The following NXPE2 variants were observed in gnomAD, a reference collection of about 807,000 sequenced individuals.
NXPE2 encodes the protein NXPE family member 2.
Under a neutral mutation model 34.4 loss-of-function variants are expected in NXPE2, and 34 were observed. That is an observed-to-expected ratio of 0.99 (90% CI 0.75 to 1.31). The LOEUF (loss-of-function observed/expected upper bound fraction) is 1.31, where lower values mean the gene tolerates loss of function less well. Ranked by LOEUF, NXPE2 falls within the 40% of genes most tolerant of loss-of-function variation. NXPE2 has a pLI of 0.00. For synonymous variants in NXPE2, 235 were observed against 231.3 expected (o/e 1.02, Z -0.15); for missense variants, 649 against 672.5 (o/e 0.97, Z 0.39).
the NXPE2 span, among the ~76,000 whole-genome samples, chr11:114,755,861 TGAA>T: frequency 2.0e-5 from 3 of 152,164 alleles, no homozygotes; most frequent in African/African-American, 7.2e-5. Flanking sequence ...TTAGTTGAAA[TGAA>T]GAATACTACC....
chr11:114,751,128 G>C, the NXPE2 span, among the ~76,000 whole-genome samples: 1 of 152,270 alleles, frequency 6.6e-6, no homozygotes, highest in South Asian at 2.1e-4. Flanking sequence ...GAAGAAGCAT[G>C]CATGGGCTTT....
intron 2 of NXPE2, among the ~76,000 whole-genome samples, chr11:114,686,257 T>A (rs1034029145): frequency 6.6e-6 from 1 of 152,100 alleles, no homozygotes; most frequent in Non-Finnish European, 1.5e-5. Context: ...AGTTTTTCAA[T>A]CCTTGCCATC....
chr11:114,673,809 T>C (rs191359858), upstream of NXPE2, among the ~76,000 whole-genome samples: 65 of 151,908 alleles, frequency 4.3e-4, 3 homozygotes, highest in East Asian at 9.5e-3. Context: ...CCCACAAAGA[T>C]AGGAAGCCAC....
At chr11:114,495,060 C>T in the NXPE2 span, among the ~76,000 whole-genome samples, 5 of 152,148 alleles carry the variant, frequency 3.3e-5, no homozygotes, top group Non-Finnish European at 5.9e-5. Context: ...TTCACCCAAG[C>T]GAACAAAAGT....
chr11:114,633,196 G>A, the NXPE2 span, among the ~76,000 whole-genome samples: 4 of 125,020 alleles, frequency 3.2e-5, no homozygotes, highest in African/African-American at 9.4e-5. Context: ...ATTTTATTAT[G>A]TATAAACATG....
chr11:114,714,913 T>C, the NXPE2 span, among the ~76,000 whole-genome samples: 1 of 152,070 alleles, frequency 6.6e-6, no homozygotes, highest in African/African-American at 2.4e-5. Flanking sequence ...TCCCAGCTAC[T>C]TGGGAGCCTG....
At chr11:114,559,471 G>A in the NXPE2 span, among the ~76,000 whole-genome samples, 1 of 152,166 alleles carries the variant, frequency 6.6e-6, no homozygotes, top group Admixed American at 6.5e-5. Flanking sequence ...ATGTTAGGTT[G>A]AGTGACTGTA....
the NXPE2 span, among the ~76,000 whole-genome samples, chr11:114,502,290 T>C: frequency 6.6e-6 from 1 of 152,202 alleles, no homozygotes; most frequent in Non-Finnish European, 1.5e-5. Context: ...AGAAAATTCT[T>C]AATTATCTTT....
chr11:114,628,225 CA>C, the NXPE2 span, among the ~76,000 whole-genome samples: 1 of 143,356 alleles, frequency 7.0e-6, no homozygotes, highest in African/African-American at 2.7e-5. Flanking sequence ...ACATTTTTTT[CA>C]GCAACATACC....
chr11:114,711,265 A>C (rs914243369), downstream of NXPE2, among the ~76,000 whole-genome samples: 1 of 152,132 alleles, frequency 6.6e-6, no homozygotes, highest in African/African-American at 2.4e-5. Context: ...CAAAACAAAA[A>C]AATTTTGTTA....
chr11:114,713,706 G>T, the NXPE2 span, among the ~76,000 whole-genome samples: 46,875 of 152,012 alleles, frequency 0.31, 8,278 homozygotes, highest in South Asian at 0.38. Flanking sequence ...TATTTTCTTC[G>T]ATACTGAATC....
chr11:114,608,142 G>A, the NXPE2 span, among the ~76,000 whole-genome samples: 1 of 151,610 alleles, frequency 6.6e-6, no homozygotes, highest in Non-Finnish European at 1.5e-5. Flanking sequence ...ATTGCCTCAT[G>A]GGTAACCAGA....
chr11:114,491,283 C>A, the NXPE2 span, among the ~76,000 whole-genome samples: 1 of 151,768 alleles, frequency 6.6e-6, no homozygotes, highest in Non-Finnish European at 1.5e-5. Flanking sequence ...GGGCTAATAT[C>A]CAGAATCTAC....
the NXPE2 span, among the ~76,000 whole-genome samples, chr11:114,764,230 T>C: frequency 6.6e-6 from 1 of 152,178 alleles, no homozygotes; most frequent in Non-Finnish European, 1.5e-5. Flanking sequence ...TAGCTAGATG[T>C]AAATTTAAGG....
At chr11:114,691,377 G>A (rs1322192400) in intron 2 of NXPE2, among the ~76,000 whole-genome samples, 9 of 152,046 alleles carry the variant, frequency 5.9e-5, no homozygotes, top group Admixed American at 2.6e-4. Flanking sequence ...GTTACAGATA[G>A]GTTGCGGTGG....
chr11:114,672,646 CA>C, the NXPE2 span, among the ~76,000 whole-genome samples: 1 of 151,582 alleles, frequency 6.6e-6, no homozygotes, highest in Non-Finnish European at 1.5e-5. Context: ...ATCATTCAAA[CA>C]GCAATAATAT....
At chr11:114,697,667 T>A (rs1227319040) in intron 2 of NXPE2, among the ~76,000 whole-genome samples, 1 of 152,240 alleles carries the variant, frequency 6.6e-6, no homozygotes, top group African/African-American at 2.4e-5. Flanking sequence ...ATGAAACATG[T>A]ACCACATTGT....
chr11:114,744,365 TAAC>T, the NXPE2 span, among the ~76,000 whole-genome samples: 1 of 152,210 alleles, frequency 6.6e-6, no homozygotes, highest in Non-Finnish European at 1.5e-5. Context: ...TTGTAGTCAA[TAAC>T]AACATCATCC....
At chr11:114,481,960 G>A in the NXPE2 span, among the ~76,000 whole-genome samples, 2 of 152,022 alleles carry the variant, frequency 1.3e-5, no homozygotes, top group Non-Finnish European at 2.9e-5. Flanking sequence ...TCCTACCTCG[G>A]CATTGAAGGA....
Sources: gnomAD v4.1 joint callset for allele counts (sites outside exome capture counted in the v4.1 genomes callset) on GRCh38, gnomAD v4.1.1 for gene constraint, MANE v1.5 for transcripts, NCBI Gene and HGNC (gene_info 2026-07-23, HGNC 2026-07-21) for gene names.